The following EYS variants were observed in gnomAD, a reference collection of about 807,000 sequenced individuals.
EYS encodes the protein EGF-like photoreceptor maintenance factor, also known as protein eyes shut homolog.
Under a neutral mutation model 282.1 loss-of-function variants are expected in EYS, and 250 were observed. The ratio of observed to expected loss-of-function variants is 0.89; its 90% confidence interval spans 0.80 to 0.98. The LOEUF (loss-of-function observed/expected upper bound fraction) is 0.98. Ranked by LOEUF, EYS falls within the 50% of genes least tolerant of loss-of-function variation. EYS has a pLI of 0.00. For synonymous variants in EYS, 1,355 were observed against 1,282.9 expected, an observed-to-expected ratio of 1.06 and a Z score of -1.20; for missense variants, 4,016 against 3,709.0, an observed-to-expected ratio of 1.08 and a Z score of -2.15.
chr6:64,366,865 A>G (rs969935809), intron 29 of EYS, among the ~76,000 whole-genome samples: 2 of 152,128 alleles, frequency 1.3e-5, no homozygotes, highest in African/African-American at 4.8e-5. Flanking sequence ...TTCGTTGATC[A>G]TGACAAAGTT....
intron 1 of EYS, among the ~76,000 whole-genome samples, chr6:65,651,887 A>G (rs977949406): frequency 2.0e-5 from 3 of 152,104 alleles, no homozygotes; most frequent in Non-Finnish European, 4.4e-5. Flanking sequence ...TATTTGGGAT[A>G]ATTTATTATG....
chr6:64,890,490 T>C (rs1243627813), intron 18 of EYS, among the ~76,000 whole-genome samples: 1 of 152,126 alleles, frequency 6.6e-6, no homozygotes, highest in African/African-American at 2.4e-5. Flanking sequence ...GCTGTCCCTT[T>C]ATTTCTCAAG....
chr6:64,499,687 A>C (rs1011930140), intron 26 of EYS, among the ~76,000 whole-genome samples: 1 of 151,880 alleles, frequency 6.6e-6, no homozygotes, highest in African/African-American at 2.4e-5. Context: ...CCTCCTGCAA[A>C]TCCACCTGGC....
intron 26 of EYS, among the ~76,000 whole-genome samples, chr6:64,476,885 T>C (rs1232643406): frequency 2.0e-5 from 3 of 152,162 alleles, no homozygotes; most frequent in Non-Finnish European, 2.9e-5. Context: ...ATCGACTTGA[T>C]GTTGTTTAGG....
intron 30 of EYS, among the ~76,000 whole-genome samples, chr6:64,256,437 G>A (rs1767402384): frequency 6.6e-6 from 1 of 151,988 alleles, no homozygotes; most frequent in Non-Finnish European, 1.5e-5. Context: ...ACAATGGATG[G>A]CTATGTGGAA....
intron 30 of EYS, among the ~76,000 whole-genome samples, chr6:64,298,145 TAA>T (rs778889019): frequency 6.6e-6 from 1 of 152,060 alleles, no homozygotes; most frequent in Admixed American, 6.5e-5. Flanking sequence ...AATGAAGAAA[TAA>T]GAGTAAATTA....
At chr6:65,540,610 A>C (rs1562248463) in intron 2 of EYS, among the ~76,000 whole-genome samples, 1 of 152,196 alleles carries the variant, frequency 6.6e-6, no homozygotes, top group African/African-American at 2.4e-5. Flanking sequence ...GTAGGAAGCA[A>C]TATTCTTTTA....
chr6:65,023,515 C>T (rs910115222), intron 13 of EYS, among the ~76,000 whole-genome samples: 1 of 152,026 alleles, frequency 6.6e-6, no homozygotes, highest in African/African-American at 2.4e-5. Flanking sequence ...TGTGGATTTC[C>T]TGCCGTTGAC....
chr6:64,651,086 A>G (rs1768541586), intron 22 of EYS, among the ~76,000 whole-genome samples: 1 of 152,062 alleles, frequency 6.6e-6, no homozygotes, highest in Non-Finnish European at 1.5e-5. Flanking sequence ...ATTCCCCAAT[A>G]TGGTTAACTA....
At chr6:64,214,050 G>A (rs1392582471) in intron 31 of EYS, among the ~76,000 whole-genome samples, 1 of 152,174 alleles carries the variant, frequency 6.6e-6, no homozygotes, top group East Asian at 1.9e-4. Flanking sequence ...TCTACAAAAA[G>A]TGAATTATAA....
chr6:64,308,350 C>T (rs1006260687), intron 29 of EYS, among the ~76,000 whole-genome samples: 9 of 151,886 alleles, frequency 5.9e-5, no homozygotes, highest in Admixed American at 1.3e-4. Flanking sequence ...CTAATCATTA[C>T]GAGCATACAA....
chr6:64,906,994 T>C (rs1767848386), intron 16 of EYS, among the ~76,000 whole-genome samples: 2 of 152,222 alleles, frequency 1.3e-5, no homozygotes, highest in African/African-American at 4.8e-5. Context: ...TTCTCATGCA[T>C]TTTATTTGAA....
chr6:64,643,641 CAT>C lies in EYS; in HGVS notation c.3444-17398_3444-17397del, dbSNP rs531201035. Reference sequence around the variant, plus strand: ...TGAATTGTAACTTCCACAATTCACACATGTCATGGGAGGGACCCAGGGGCTGG... The same window carrying C: ...TGAATTGTAACTTCCACAATTCACACGTCATGGGAGGGACCCAGGGGCTGG... On this transcript the variant is annotated intron_variant, in intron 22 of 42. Coordinates refer to ENST00000503581, the MANE Select transcript of EYS (RefSeq NM_001142800.2). 4.6e-5 allele frequency among the ~76,000 whole-genome samples: 7 copies of C among 152,318 alleles called. No homozygotes were observed. In the South Asian group the frequency reaches 8.3e-4, roughly 18 times the overall value.
intron 15 of EYS, among the ~76,000 whole-genome samples, chr6:64,917,300 A>G (rs1299387446): frequency 2.0e-5 from 3 of 152,068 alleles, no homozygotes; most frequent in Non-Finnish European, 4.4e-5. Flanking sequence ...ATAAATGTCA[A>G]TTTCTAATGA....
chr6:64,182,480 C>T (rs1764813723), intron 31 of EYS, among the ~76,000 whole-genome samples: 2 of 152,030 alleles, frequency 1.3e-5, no homozygotes, highest in Non-Finnish European at 2.9e-5. Flanking sequence ...GGCATTACTC[C>T]TCCATTCTCT....
chr6:65,067,633 T>C (rs1024155858), intron 12 of EYS, among the ~76,000 whole-genome samples: 7 of 152,024 alleles, frequency 4.6e-5, no homozygotes, highest in Admixed American at 3.9e-4. Flanking sequence ...AATTAACTAC[T>C]AGGAGGAGTA....
chr6:65,162,698 C>G (rs973502390), intron 12 of EYS, among the ~76,000 whole-genome samples: 7 of 150,856 alleles, frequency 4.6e-5, no homozygotes, highest in Non-Finnish European at 1.0e-4. Context: ...GAAAAACAGT[C>G]CTGATAATCC....
chr6:65,184,301 A>G (rs147428330), intron 12 of EYS, among the ~76,000 whole-genome samples: 13 of 152,018 alleles, frequency 8.6e-5, no homozygotes, highest in African/African-American at 3.1e-4. Context: ...ATAACATGGC[A>G]GAAGTCATCA....
At chr6:64,491,651 C>G (rs879379349) in intron 26 of EYS, among the ~76,000 whole-genome samples, 5 of 150,934 alleles carry the variant, frequency 3.3e-5, no homozygotes, top group Non-Finnish European at 6.0e-5. Context: ...CCATTATCCT[C>G]TCTTTGCAGA....
Sources: gnomAD v4.1 joint callset for allele counts (sites outside exome capture counted in the v4.1 genomes callset) on GRCh38, gnomAD v4.1.1 for gene constraint, MANE v1.5 for transcripts, NCBI Gene and HGNC (gene_info 2026-07-23, HGNC 2026-07-21) for gene names.